Variants in GRM5 observed in about 807,000 individuals in gnomAD.
GRM5 encodes metabotropic glutamate receptor 5.
A neutral mutation model predicts 83.1 loss-of-function variants in GRM5; 19 were observed. The ratio of observed to expected loss-of-function variants is 0.23; its 90% CI spans 0.16 to 0.34. The LOEUF (loss-of-function observed/expected upper bound fraction) is 0.34. GRM5 is among the 10% of genes least tolerant of loss of function. The probability of loss-of-function intolerance (pLI) is 1.00; values close to 1 mark genes in which losing one functional copy is unlikely to be tolerated. For missense variants in GRM5, 1,160 were observed against 1,588.3 expected, an observed-to-expected ratio of 0.73 and a Z score of 4.58; for synonymous variants, 675 against 633.6, an observed-to-expected ratio of 1.07 and a Z score of -0.98.
intron 3 of GRM5, among the ~76,000 whole-genome samples, chr11:88,849,071 A>G (rs539688751): frequency 5.9e-4 from 90 of 152,238 alleles, no homozygotes; most frequent in African/African-American, 2.1e-3. Context: ...TTGGACTTGG[A>G]TTGAAACTAC....
intron 3 of GRM5, among the ~76,000 whole-genome samples, chr11:88,677,916 T>C (rs1940376927): frequency 6.6e-6 from 1 of 152,086 alleles, no homozygotes; most frequent in African/African-American, 2.4e-5. Flanking sequence ...ATTCAGATAA[T>C]TAGTTACCAA....
chr11:88,618,857 G>C (rs189747359), intron 4 of GRM5, among the ~76,000 whole-genome samples: 1 of 152,170 alleles, frequency 6.6e-6, no homozygotes, highest in East Asian at 1.9e-4. Context: ...TTTAGGGTCT[G>C]CTATGAGCCA....
intron 2 of GRM5, among the ~76,000 whole-genome samples, chr11:89,023,224 TGAA>T (rs1941033060): frequency 6.6e-6 from 1 of 152,054 alleles, no homozygotes; most frequent in African/African-American, 2.4e-5. Flanking sequence ...AGAATAATGA[TGAA>T]GAATCTTTCA....
In GRM5 at chr11:88,666,049, T is replaced by C. The variant is rs575835547; in HGVS notation, c.912-12646A>G. Reference sequence around the variant, plus strand: ...ATCTGGGAGGGAAAAGAAGCACAGATATCTGAAGCAGATATTATTTCCTCC... The same window carrying C: ...ATCTGGGAGGGAAAAGAAGCACAGACATCTGAAGCAGATATTATTTCCTCC... On this transcript the variant is annotated intron_variant, in intron 3 of 9. Transcript: ENST00000305447. Among the ~76,000 whole-genome samples the C allele has an allele frequency of 3.9e-5, 6 of 152,324 alleles. No individual in the cohort carries two copies. In the South Asian group the frequency reaches 1.2e-3, roughly 32 times the overall value.
At chr11:88,916,936 A>G (rs1220630380) in intron 2 of GRM5, among the ~76,000 whole-genome samples, 2 of 152,138 alleles carry the variant, frequency 1.3e-5, no homozygotes, top group East Asian at 3.9e-4. Flanking sequence ...TGAAAGACCT[A>G]GGCGTGGCAG....
intron 2 of GRM5, among the ~76,000 whole-genome samples, chr11:88,876,137 T>C (rs1944849326): frequency 6.6e-6 from 1 of 152,140 alleles, no homozygotes; most frequent in South Asian, 2.1e-4. Flanking sequence ...TGAAACTGTA[T>C]TGTTTCGTGT....
chr11:88,568,129 A>T (rs552207267), intron 7 of GRM5, 137 bp from the exon 8 acceptor site: 1 of 608,346 alleles, frequency 1.6e-6, no homozygotes, highest in African/African-American at 1.8e-5. Flanking sequence ...ATCTCCTGCT[A>T]CTTATTGTTT....
chr11:88,817,322 T>C (rs992876353), intron 3 of GRM5, among the ~76,000 whole-genome samples: 1 of 152,112 alleles, frequency 6.6e-6, no homozygotes, highest in Admixed American at 6.5e-5. Context: ...TAATATTAGA[T>C]ACCACAGAAT....
chr11:89,020,989 A>G (rs1940969566), intron 2 of GRM5, among the ~76,000 whole-genome samples: 1 of 152,184 alleles, frequency 6.6e-6, no homozygotes, highest in Non-Finnish European at 1.5e-5. Flanking sequence ...ACCCTGTGAG[A>G]GTCTCCATGA....
chr11:88,651,437 G>C lies in GRM5; in HGVS notation c.1147+1731C>G, dbSNP rs1396740610. Among the ~76,000 whole-genome samples the C allele has an allele frequency of 2.0e-5, 3 of 151,984 alleles. No homozygotes were observed. The East Asian group carries it at 5.8e-4, about 29-fold the overall frequency. ...TACCTTTCAGAACTCCTTCAATGAAGCTACACATAGTAATAATTATACAAA... is the reference window on the plus strand; with the variant it reads ...TACCTTTCAGAACTCCTTCAATGAACCTACACATAGTAATAATTATACAAA... On this transcript the variant is annotated intron_variant, in intron 4 of 9. Coordinates refer to ENST00000305447, the MANE Select transcript of GRM5 (RefSeq NM_001143831.3).
At chr11:89,052,010 A>G (rs1941771400) in intron 1 of GRM5, among the ~76,000 whole-genome samples, 3 of 152,226 alleles carry the variant, frequency 2.0e-5, no homozygotes, top group Admixed American at 2.0e-4. Flanking sequence ...GAGAGGAATC[A>G]GGGTCTACTC....
At chr11:88,642,564 T>C (rs1408026469) in intron 4 of GRM5, among the ~76,000 whole-genome samples, 2 of 152,208 alleles carry the variant, frequency 1.3e-5, no homozygotes, top group Non-Finnish European at 2.9e-5. Flanking sequence ...TCTTCTCTTT[T>C]AAATATAAGT....
intron 2 of GRM5, among the ~76,000 whole-genome samples, chr11:89,006,905 C>T (rs1940545956): frequency 3.9e-5 from 6 of 152,206 alleles, no homozygotes; most frequent in Non-Finnish European, 8.8e-5. Context: ...TCACGCCGTT[C>T]TCCTGCCCAA....
At chr11:88,847,781 T>C (rs1944324371) in intron 3 of GRM5, among the ~76,000 whole-genome samples, 1 of 152,216 alleles carries the variant, frequency 6.6e-6, no homozygotes, top group Non-Finnish European at 1.5e-5. Flanking sequence ...TAGTATTCCA[T>C]GAATTAAATG....
chr11:88,608,139 C>T (rs1281802639), intron 4 of GRM5, among the ~76,000 whole-genome samples: 2 of 152,212 alleles, frequency 1.3e-5, no homozygotes, highest in Non-Finnish European at 2.9e-5. Flanking sequence ...GAGCAGCTCA[C>T]AATGAGTCCT....
intron 2 of GRM5, among the ~76,000 whole-genome samples, chr11:88,914,911 C>A (rs577448799): frequency 6.6e-6 from 1 of 152,138 alleles, no homozygotes; most frequent in East Asian, 1.9e-4. Context: ...AGAAAATTAT[C>A]TAAAATGAAA....
At chr11:88,953,338 C>T (rs1371746566) in intron 2 of GRM5, among the ~76,000 whole-genome samples, 3 of 152,042 alleles carry the variant, frequency 2.0e-5, no homozygotes, top group African/African-American at 4.8e-5. Flanking sequence ...AATCCCATAC[C>T]ATAGAATTGG....
intron 4 of GRM5, among the ~76,000 whole-genome samples, chr11:88,625,585 C>T (rs867723977): frequency 6.6e-6 from 1 of 152,044 alleles, no homozygotes; most frequent in Non-Finnish European, 1.5e-5. Context: ...GGCCATGCAA[C>T]TTACTCTTAA....
chr11:88,820,995 A>T (rs1202515457), intron 3 of GRM5, among the ~76,000 whole-genome samples: 1 of 152,228 alleles, frequency 6.6e-6, no homozygotes. Context: ...TGTATAAGAC[A>T]TCATTTCAGA....
Sources: allele counts gnomAD v4.1 joint callset (sites outside exome capture counted in the v4.1 genomes callset), GRCh38; gene constraint gnomAD v4.1.1; transcripts MANE v1.5; gene names NCBI Gene and HGNC (gene_info 2026-07-23, HGNC 2026-07-21).